Variants in GRID2 observed in about 807,000 individuals in gnomAD.
GRID2 encodes glutamate receptor ionotropic, delta-2.
GRID2 carries 33 observed loss-of-function variants against 114.8 expected under a neutral mutation model. That is an observed-to-expected ratio of 0.29 (90% CI 0.22 to 0.38). The LOEUF (loss-of-function observed/expected upper bound fraction) is 0.38, where lower values mean the gene tolerates loss of function less well. GRID2 is among the 10% of genes least tolerant of loss of function. The pLI is 1.00. For synonymous variants in GRID2, 505 were observed against 449.9 expected, an observed-to-expected ratio of 1.12 and a Z score of -1.55; for missense variants, 1,184 against 1,257.7, an observed-to-expected ratio of 0.94 and a Z score of 0.89.
Position 93,709,424 on chromosome 4 carries a change from G to T in GRID2, c.2361-59786G>T, listed in dbSNP as rs543609177. Among the ~76,000 whole-genome samples the T allele has an allele frequency of 9.9e-5, 15 of 152,230 alleles. 1 individual carries two copies. The South Asian group carries it at 2.9e-3, about 29-fold the overall frequency. Reference sequence around the variant, plus strand: ...ATGTCATGCCACTCTCTCTTGGCTTGTAAGTTTTCCACTGTGAAACCAGAT... The same window carrying T: ...ATGTCATGCCACTCTCTCTTGGCTTTTAAGTTTTCCACTGTGAAACCAGAT... On this transcript the variant is annotated intron_variant, in intron 14 of 15. Coordinates refer to ENST00000282020, the MANE Select transcript of GRID2 (RefSeq NM_001510.4).
intron 4 of GRID2, among the ~76,000 whole-genome samples, chr4:93,121,435 C>T (rs1301926794): frequency 6.6e-6 from 1 of 152,066 alleles, no homozygotes; most frequent in East Asian, 1.9e-4. Context: ...ACTGTTTTGT[C>T]TTTCTTTCGT....
chr4:93,757,799 A>G (rs1378327358), intron 14 of GRID2, among the ~76,000 whole-genome samples: 1 of 152,164 alleles, frequency 6.6e-6, no homozygotes, highest in Non-Finnish European at 1.5e-5. Context: ...CTACTAAAAA[A>G]GGCAAAAGTT....
Position 93,758,133 on chromosome 4 carries a change from C to A in GRID2, c.2361-11077C>A, listed in dbSNP as rs145188585. On this transcript the variant is annotated intron_variant, in intron 14 of 15. Coordinates refer to ENST00000282020, the MANE Select transcript of GRID2 (RefSeq NM_001510.4). Reference sequence around the variant, plus strand: ...GTTATGTTACTGTCTAAACACTCTACTAAAAAAAGAAAATTGAAGCACTTC... The same window carrying A: ...GTTATGTTACTGTCTAAACACTCTAATAAAAAAAGAAAATTGAAGCACTTC... Among the ~76,000 whole-genome samples, 81 of 152,124 alleles carry A rather than the reference C, an allele frequency of 5.3e-4. No homozygotes were observed. In the Middle Eastern group the frequency reaches 0.01, roughly 19 times the overall value.
At chr4:93,061,499 A>C (rs1372917421) in intron 2 of GRID2, among the ~76,000 whole-genome samples, 2 of 152,112 alleles carry the variant, frequency 1.3e-5, no homozygotes, top group African/African-American at 4.8e-5. Flanking sequence ...CAACAATTCT[A>C]GTGATGGGCA....
At chr4:93,764,073 G>C (rs1339489482) in intron 14 of GRID2, among the ~76,000 whole-genome samples, 3 of 152,130 alleles carry the variant, frequency 2.0e-5, no homozygotes, top group Non-Finnish European at 4.4e-5. Flanking sequence ...TCATTTCCTA[G>C]AGTAGTGACT....
intron 3 of GRID2, among the ~76,000 whole-genome samples, chr4:93,091,589 A>G (rs1730794950): frequency 6.6e-6 from 1 of 152,042 alleles, no homozygotes; most frequent in Non-Finnish European, 1.5e-5. Flanking sequence ...CCTCCAGCAA[A>G]TTGGTGTATT....
At chr4:92,961,441 C>A (rs945828241) in intron 2 of GRID2, among the ~76,000 whole-genome samples, 3 of 149,652 alleles carry the variant, frequency 2.0e-5, no homozygotes, top group African/African-American at 7.4e-5. Context: ...AGGATAATTT[C>A]ACAGGTTACA....
At chr4:92,446,744 A>G (rs966550630) in intron 1 of GRID2, among the ~76,000 whole-genome samples, 5 of 152,190 alleles carry the variant, frequency 3.3e-5, no homozygotes, top group African/African-American at 9.7e-5. Flanking sequence ...CTAAGTCTAC[A>G]GCCTGTTCTA....
rs545619429 is a variant in GRID2 at position 92,312,978 on chromosome 4, G to T, written c.88+8234G>T. Among the ~76,000 whole-genome samples the T allele has an allele frequency of 5.9e-5, 9 of 152,016 alleles. No individual in the cohort carries two copies. In the South Asian group the frequency reaches 1.7e-3, roughly 28 times the overall value. On this transcript the variant is annotated intron_variant, in intron 1 of 15. Transcript: ENST00000282020. ...GGAAAAGAAGTCATTATTCAAAAAA[G>T]ATACTTGAACATGCATGTTTATAGC...
intron 13 of GRID2, among the ~76,000 whole-genome samples, chr4:93,527,349 G>A (rs978505913): frequency 5.9e-5 from 9 of 152,064 alleles, no homozygotes; most frequent in South Asian, 2.1e-4. Flanking sequence ...GCTATCTGGC[G>A]CCAGCTTTGC....
chr4:93,672,340 G>T (rs1289529289), intron 14 of GRID2, among the ~76,000 whole-genome samples: 1 of 152,266 alleles, frequency 6.6e-6, no homozygotes. Flanking sequence ...CTGTTTGTGG[G>T]GGTGTCGATG....
At chr4:93,779,850 G>T (rs1360663850) in intron 1 of GRID2, among the ~76,000 whole-genome samples, 2 of 152,212 alleles carry the variant, frequency 1.3e-5, no homozygotes, top group African/African-American at 4.8e-5. Flanking sequence ...TGGGCTTTGT[G>T]TCAGAGAGCA....
intron 2 of GRID2, among the ~76,000 whole-genome samples, chr4:92,689,671 C>T (rs1293373341): frequency 6.6e-6 from 1 of 152,182 alleles, no homozygotes; most frequent in Non-Finnish European, 1.5e-5. Flanking sequence ...CCACCCCCAC[C>T]CCCATCTTTA....
intron 1 of GRID2, among the ~76,000 whole-genome samples, chr4:92,411,728 C>T (rs1388453071): frequency 7.0e-6 from 1 of 143,788 alleles, no homozygotes; most frequent in Non-Finnish European, 1.5e-5. Flanking sequence ...GTTTTTGAGA[C>T]GGAGTCTCGC....
At chr4:92,655,534 G>A (rs1732181777) in intron 2 of GRID2, among the ~76,000 whole-genome samples, 2 of 151,744 alleles carry the variant, frequency 1.3e-5, no homozygotes, top group South Asian at 2.1e-4. Flanking sequence ...ATTTCTATGT[G>A]TCCTTTTTAA....
chr4:92,495,402 C>T (rs528343171), intron 1 of GRID2, among the ~76,000 whole-genome samples: 10 of 152,030 alleles, frequency 6.6e-5, no homozygotes, highest in Admixed American at 5.3e-4. Flanking sequence ...GGTAGAGGAT[C>T]TCTTGTATAA....
At chr4:93,075,068 C>A (rs954437808) in intron 2 of GRID2, among the ~76,000 whole-genome samples, 4 of 152,162 alleles carry the variant, frequency 2.6e-5, no homozygotes, top group African/African-American at 9.7e-5. Flanking sequence ...TACACAAACT[C>A]TTCCAGAAAA....
chr4:93,507,351 G>A (rs2149481439), intron 12 of GRID2, among the ~76,000 whole-genome samples: 1 of 152,274 alleles, frequency 6.6e-6, no homozygotes, highest in Middle Eastern at 3.4e-3. Context: ...AGTGGCCATT[G>A]GCTACGCCGT....
intron 13 of GRID2, among the ~76,000 whole-genome samples, chr4:93,549,833 G>A (rs1733593009): frequency 6.6e-6 from 1 of 152,128 alleles, no homozygotes; most frequent in African/African-American, 2.4e-5. Context: ...ATTCCTTCCA[G>A]AAGGAAAAAA....
Sources: allele counts gnomAD v4.1 joint callset (sites outside exome capture counted in the v4.1 genomes callset), GRCh38; gene constraint gnomAD v4.1.1; transcripts MANE v1.5; gene names NCBI Gene and HGNC (gene_info 2026-07-23, HGNC 2026-07-21).